The following ADAMTS12 variants were observed in gnomAD, a reference collection of about 807,000 sequenced individuals.
ADAMTS12 encodes the protein A disintegrin and metalloproteinase with thrombospondin motifs 12.
A neutral mutation model predicts 167.8 loss-of-function variants in ADAMTS12; 118 were observed. The ratio of observed to expected loss-of-function variants is 0.70; its 90% CI spans 0.61 to 0.82. The LOEUF is 0.82. Ranked by LOEUF, ADAMTS12 falls within the 40% of genes least tolerant of loss-of-function variation. ADAMTS12 has a pLI of 0.00. For missense variants in ADAMTS12, 1,916 were observed against 1,998.8 expected, an observed-to-expected ratio of 0.96 and a Z score of 0.79; for synonymous variants, 704 against 716.9, an observed-to-expected ratio of 0.98 and a Z score of 0.29.
rs763501455 is a variant in ADAMTS12, at chr5:33,724,545, C to CTTTT, written c.634+26855_634+26858dup. On this transcript the variant is annotated intron_variant, in intron 3 of 23. Coordinates refer to ENST00000504830, the MANE Select transcript of ADAMTS12 (RefSeq NM_030955.4). ...GCTTGGTCATCAAGGCTAACAGCTT[C>CTTTT]TTTTTTTTTTTTTTTTTTTAATTTG... is the stretch of plus-strand genomic sequence containing the variant. Among the ~76,000 whole-genome samples, 396 of 132,732 alleles carry CTTTT rather than the reference C, an allele frequency of 3.0e-3. 2 individuals are homozygous for CTTTT. The highest frequency in any genetic ancestry group is 0.01 in the African/African-American group (377 of 36,104). The allele number at this position is 132,732 out of a possible 152,430, so 87.1% of individuals were successfully genotyped here. A position where few individuals can be genotyped will look rare whatever the true frequency, so the allele number is the denominator to read the frequency against.
At chr5:33,555,271 G>T (rs186697314) in intron 20 of ADAMTS12, among the ~76,000 whole-genome samples, 18 of 152,120 alleles carry the variant, frequency 1.2e-4, no homozygotes, top group African/African-American at 4.1e-4. Context: ...TTAAGATGGG[G>T]TCTCACTCTG....
chr5:33,658,408 A>G, intron 6 of ADAMTS12, 75 bp from the exon 7 acceptor site: 2 of 1,552,748 alleles, frequency 1.3e-6, no homozygotes, highest in Non-Finnish European at 1.8e-6. Flanking sequence ...AAATCTGGGT[A>G]TAAACTCACA....
At chr5:33,572,062 T>C (rs1746382731) in intron 19 of ADAMTS12, among the ~76,000 whole-genome samples, 1 of 152,054 alleles carries the variant, frequency 6.6e-6, no homozygotes, top group African/African-American at 2.4e-5. Flanking sequence ...AAGTTGAATC[T>C]CTGAATAGAC....
At chr5:33,758,728 G>T (rs1745250026) in intron 2 of ADAMTS12, among the ~76,000 whole-genome samples, 1 of 152,116 alleles carries the variant, frequency 6.6e-6, no homozygotes. Context: ...TGTCATGGGG[G>T]TTTGTCAGAC....
chr5:33,658,267 CAT>C lies in ADAMTS12; in HGVS notation c.1105_1106del (p.Met369ValfsTer8). Reference protein sequence around the residue: ...ETLGLSHLSGMCQPHRSCNIN... With the variant: ...ETLGLSHLSGXCQPHRSCNIN... Reference sequence around the variant, plus strand: ...TGTTACAACTGCGGTGAGGCTGACACATTCCTGAAAGGTGAGACAGGCCCAGG... The same window carrying C: ...TGTTACAACTGCGGTGAGGCTGACACTCCTGAAAGGTGAGACAGGCCCAGG... On this transcript the variant is annotated frameshift_variant, in exon 7 of 24. Transcript: ENST00000504830. LOFTEE classifies it high-confidence loss of function. The C allele has an allele frequency of 3.1e-6, 5 of 1,613,740 alleles. No homozygotes were observed. Among genetic ancestry groups the C allele is most frequent in the Non-Finnish European group, 4.2e-6 (5 of 1,179,718 alleles).
At chr5:33,603,271 G>C (rs930656423) in intron 16 of ADAMTS12, among the ~76,000 whole-genome samples, 1 of 152,222 alleles carries the variant, frequency 6.6e-6, no homozygotes, top group African/African-American at 2.4e-5. Flanking sequence ...CTCTAAAAGT[G>C]ATCCTGAGCT....
At chr5:33,555,729 G>A (rs1419497358) in intron 20 of ADAMTS12, among the ~76,000 whole-genome samples, 2 of 152,144 alleles carry the variant, frequency 1.3e-5, no homozygotes, top group Non-Finnish European at 2.9e-5. Flanking sequence ...GTATATATTG[G>A]TGATTTAAAT....
At chr5:33,837,507 A>C (rs1309483426) in intron 2 of ADAMTS12, among the ~76,000 whole-genome samples, 2 of 152,216 alleles carry the variant, frequency 1.3e-5, no homozygotes, top group Non-Finnish European at 2.9e-5. Flanking sequence ...GGTTCCACCA[A>C]GAAATTCTTG....
At chr5:33,794,359 G>A (rs993826621) in intron 2 of ADAMTS12, among the ~76,000 whole-genome samples, 3 of 152,132 alleles carry the variant, frequency 2.0e-5, no homozygotes, top group Admixed American at 6.6e-5. Context: ...TCTTGCAGTC[G>A]ATCTGGAGCT....
intron 1 of ADAMTS12, among the ~76,000 whole-genome samples, chr5:33,882,734 G>A (rs1750495448): frequency 6.6e-6 from 1 of 152,094 alleles, no homozygotes; most frequent in Admixed American, 6.5e-5. Flanking sequence ...TGGGATTACA[G>A]GTGTGCACCA....
In ADAMTS12 at chr5:33,658,260, G is replaced by C; in HGVS notation, c.1114C>G (p.Pro372Ala). 6.2e-7 allele frequency: 1 copy of C among 1,613,738 alleles called. No individual in the cohort carries two copies. The highest frequency in any genetic ancestry group is 8.5e-7 in the Non-Finnish European group (1 of 1,179,700). Residue 372 changes from proline (P) to alanine (A), a missense_variant, in exon 7 of 24, where the codon CCT becomes GCT. Pro to Ala is a conservative substitution (Grantham distance 27). Coordinates refer to ENST00000504830, the MANE Select transcript of ADAMTS12 (RefSeq NM_030955.4). ...GLSHLSGMCQ[P>A]HRSCNINEDS... is the part of the protein sequence containing the mutation. ...TCATTGATGTTACAACTGCGGTGAG[G>C]CTGACACATTCCTGAAAGGTGAGAC...
At chr5:33,677,649 T>C (rs1741968886) in intron 5 of ADAMTS12, among the ~76,000 whole-genome samples, 1 of 152,162 alleles carries the variant, frequency 6.6e-6, no homozygotes, top group South Asian at 2.1e-4. Flanking sequence ...GGCCATAAAA[T>C]GAAAATCAGA....
chr5:33,661,466 A>T (rs1216351229), intron 6 of ADAMTS12, among the ~76,000 whole-genome samples: 6 of 152,210 alleles, frequency 3.9e-5, no homozygotes, highest in Non-Finnish European at 7.4e-5. Flanking sequence ...TATCCTCAGC[A>T]TCAAACAGTT....
At chr5:33,798,136 CTT>C (rs529566981) in intron 2 of ADAMTS12, among the ~76,000 whole-genome samples, 11 of 151,898 alleles carry the variant, frequency 7.2e-5, no homozygotes, top group African/African-American at 2.4e-4. Flanking sequence ...TTGAATATAA[CTT>C]AAGTATATTC....
chr5:33,532,782 T>G (rs1744182193), intron 23 of ADAMTS12, among the ~76,000 whole-genome samples: 1 of 152,206 alleles, frequency 6.6e-6, no homozygotes, highest in Non-Finnish European at 1.5e-5. Flanking sequence ...AAACTAAACC[T>G]TATATGAATT....
At chr5:33,685,345 T>C (rs1742284408) in intron 3 of ADAMTS12, among the ~76,000 whole-genome samples, 1 of 152,214 alleles carries the variant, frequency 6.6e-6, no homozygotes, top group South Asian at 2.1e-4. Context: ...CTGTCATTCC[T>C]CCTCGTTAGC....
At chr5:33,796,864 G>T (rs895889461) in intron 2 of ADAMTS12, among the ~76,000 whole-genome samples, 1 of 152,176 alleles carries the variant, frequency 6.6e-6, no homozygotes, top group Non-Finnish European at 1.5e-5. Context: ...ATAAAATTAT[G>T]TGCTTTCAAA....
chr5:33,654,077 A>T (rs1740957410), intron 7 of ADAMTS12, among the ~76,000 whole-genome samples: 1 of 151,956 alleles, frequency 6.6e-6, no homozygotes. Flanking sequence ...CCTCTTTCTC[A>T]TCCATTCTAC....
chr5:33,760,483 A>C (rs1042309848), intron 2 of ADAMTS12, among the ~76,000 whole-genome samples: 3 of 152,248 alleles, frequency 2.0e-5, no homozygotes, highest in Non-Finnish European at 4.4e-5. Context: ...TGTCAAGAAG[A>C]AAATGGGCAT....
Sources: allele counts gnomAD v4.1 joint callset (sites outside exome capture counted in the v4.1 genomes callset), GRCh38; gene constraint gnomAD v4.1.1; transcripts MANE v1.5; gene names NCBI Gene and HGNC (gene_info 2026-07-23, HGNC 2026-07-21).